Variants in SGIP1 observed in about 807,000 individuals in gnomAD.
SGIP1 encodes SH3GL interacting endocytic adaptor 1.
Under a neutral mutation model 107.5 loss-of-function variants are expected in SGIP1, and 38 were observed. The ratio of observed to expected loss-of-function variants is 0.35; its 90% CI spans 0.27 to 0.46. SGIP1 has a LOEUF of 0.46. SGIP1 is among the 20% of genes least tolerant of loss of function. The pLI is 1.00. For synonymous variants in SGIP1, 365 were observed against 366.1 expected, an observed-to-expected ratio of 1.00 and a Z score of 0.03; for missense variants, 929 against 1,019.5, an observed-to-expected ratio of 0.91 and a Z score of 1.21.
intron 1 of SGIP1, among the ~76,000 whole-genome samples, chr1:66,567,622 T>A (rs1046421942): frequency 3.3e-5 from 5 of 152,222 alleles, no homozygotes; most frequent in Non-Finnish European, 5.9e-5. Flanking sequence ...TCTTCTAGGG[T>A]TTTTATGGTT....
At chr1:66,539,663 C>T (rs1159539727) in intron 1 of SGIP1, among the ~76,000 whole-genome samples, 1 of 152,208 alleles carries the variant, frequency 6.6e-6, no homozygotes, top group East Asian at 1.9e-4. Flanking sequence ...CTGCCTGCCT[C>T]CTCATGTTTA....
chr1:66,741,775 T>TA (rs1391151217), intron 24 of SGIP1, among the ~76,000 whole-genome samples: 1 of 151,994 alleles, frequency 6.6e-6, no homozygotes, highest in Non-Finnish European at 1.5e-5. Flanking sequence ...TTATTTATTT[T>TA]TTTTTTTGGT....
At chr1:66,729,987 A>G (rs1053193156) in intron 20 of SGIP1, among the ~76,000 whole-genome samples, 4 of 152,042 alleles carry the variant, frequency 2.6e-5, no homozygotes, top group Non-Finnish European at 5.9e-5. Context: ...TTTTTAGTAG[A>G]GATGGGGTTT....
chr1:66,654,156 T>C (rs2079264085), intron 7 of SGIP1, among the ~76,000 whole-genome samples: 1 of 152,202 alleles, frequency 6.6e-6, no homozygotes, highest in East Asian at 1.9e-4. Flanking sequence ...AGCTCTGCTA[T>C]AATGCAACTT....
intron 15 of SGIP1, among the ~76,000 whole-genome samples, chr1:66,686,948 T>A (rs2088488110): frequency 6.6e-6 from 1 of 152,178 alleles, no homozygotes; most frequent in Non-Finnish European, 1.5e-5. Context: ...TTCAATTAGT[T>A]ACAAATACCT....
chr1:66,738,180 T>C (rs2094332375), intron 21 of SGIP1, among the ~76,000 whole-genome samples: 2 of 152,214 alleles, frequency 1.3e-5, no homozygotes, highest in South Asian at 4.1e-4. Context: ...GCTTAAATTG[T>C]CATCAAAAGC....
intron 19 of SGIP1, among the ~76,000 whole-genome samples, chr1:66,724,155 A>G (rs2093657374): frequency 6.6e-6 from 1 of 152,210 alleles, no homozygotes; most frequent in Non-Finnish European, 1.5e-5. Flanking sequence ...GACCTCACAC[A>G]TTCCCTGAAC....
chr1:66,618,600 A>G (rs2070065854), intron 1 of SGIP1, among the ~76,000 whole-genome samples: 2 of 152,210 alleles, frequency 1.3e-5, no homozygotes, highest in Non-Finnish European at 2.9e-5. Flanking sequence ...TTTGAAAGAG[A>G]AACTTACTCA....
chr1:66,543,730 G>A (rs1036606597), intron 1 of SGIP1, among the ~76,000 whole-genome samples: 8 of 152,148 alleles, frequency 5.3e-5, no homozygotes, highest in Non-Finnish European at 8.8e-5. Context: ...GGACTATACC[G>A]CCTCTGTGAC....
At chr1:66,671,224 A>G (rs2083711556) in intron 10 of SGIP1, among the ~76,000 whole-genome samples, 1 of 152,224 alleles carries the variant, frequency 6.6e-6, no homozygotes, top group South Asian at 2.1e-4. Flanking sequence ...AGTTCTGAAA[A>G]TAAATATGTT....
intron 1 of SGIP1, among the ~76,000 whole-genome samples, chr1:66,610,613 A>C (rs1267588416): frequency 6.6e-6 from 1 of 152,184 alleles, no homozygotes; most frequent in Non-Finnish European, 1.5e-5. Flanking sequence ...TTTTTGCTTA[A>C]ATTAGGATTT....
chr1:66,714,155 C>A (rs182165162), intron 18 of SGIP1, among the ~76,000 whole-genome samples: 1 of 152,184 alleles, frequency 6.6e-6, no homozygotes, highest in Admixed American at 6.5e-5. Context: ...AAATGCTATC[C>A]TACTTGATGT....
intron 1 of SGIP1, among the ~76,000 whole-genome samples, chr1:66,594,709 G>A (rs1269975170): frequency 2.0e-5 from 3 of 152,142 alleles, no homozygotes; most frequent in Non-Finnish European, 1.5e-5. Flanking sequence ...AGGAGAAAGA[G>A]CGGCAGTGGA....
chr1:66,596,716 A>G (rs1422915959), intron 1 of SGIP1, among the ~76,000 whole-genome samples: 1 of 151,576 alleles, frequency 6.6e-6, no homozygotes, highest in Non-Finnish European at 1.5e-5. Flanking sequence ...CAATTTCCTG[A>G]TTGTGATATT....
chr1:66,689,573 TG>T (rs2089343085), intron 16 of SGIP1, among the ~76,000 whole-genome samples: 1 of 152,234 alleles, frequency 6.6e-6, no homozygotes, highest in South Asian at 2.1e-4. Flanking sequence ...TCACAGTATT[TG>T]TCTGATATTA....
In SGIP1 at chr1:66,718,776, A is replaced by G. The variant is rs139711021; in HGVS notation, c.1631-518A>G. ...TGGTTGTCTATGTTTTTGGACATGT[A>G]AACTTGAGCTTACTTGATCTGAGAG... On this transcript the variant is annotated intron_variant, in intron 18 of 24. Coordinates refer to ENST00000371037, the MANE Select transcript of SGIP1 (RefSeq NM_032291.4). Among the ~76,000 whole-genome samples the G allele has an allele frequency of 7.9e-3, 1,210 of 152,280 alleles. 20 individuals carry two copies. The highest frequency in any genetic ancestry group is 0.028 in the African/African-American group (1,151 of 41,558).
intron 1 of SGIP1, among the ~76,000 whole-genome samples, chr1:66,551,313 C>T (rs569814875): frequency 2.5e-4 from 38 of 152,232 alleles, no homozygotes; most frequent in African/African-American, 8.9e-4. Flanking sequence ...AAGCAATTCT[C>T]CTATGTTAGA....
Position 66,578,841 on chromosome 1 carries a change from T to C in SGIP1, c.10+44473T>C, listed in dbSNP as rs553210763. On this transcript the variant is annotated intron_variant, in intron 1 of 24. Transcript: ENST00000371037. ...CATGCGCCAGCACACCCGACTAATT[T>C]TGTATTTTTAGTAGAGGTGGGGTAT... 2.0e-5 allele frequency among the ~76,000 whole-genome samples: 3 copies of C among 152,264 alleles called. No homozygotes were observed. In the South Asian group the frequency reaches 6.2e-4, roughly 32 times the overall value.
intron 21 of SGIP1, among the ~76,000 whole-genome samples, chr1:66,735,084 TG>T (rs1364610905): frequency 2.6e-5 from 4 of 152,148 alleles, no homozygotes; most frequent in African/African-American, 7.2e-5. Context: ...TTGTGTCTTT[TG>T]ACCAACATCT....
Sources: gnomAD v4.1 joint callset for allele counts (sites outside exome capture counted in the v4.1 genomes callset) on GRCh38, gnomAD v4.1.1 for gene constraint, MANE v1.5 for transcripts, NCBI Gene and HGNC (gene_info 2026-07-23, HGNC 2026-07-21) for gene names.